NUP85: variants seen among roughly 807,000 people sequenced by gnomAD.
NUP85 encodes nuclear pore complex protein Nup85.
In NUP85, 23 loss-of-function variants were observed where a neutral mutation model predicts 92.8. The observed-to-expected ratio is 0.25, with a 90% CI of 0.18 to 0.35. The LOEUF is 0.35. Among genes scored for constraint, NUP85 ranks in the 10% least tolerant of loss-of-function variants. NUP85 has a pLI of 1.00. For synonymous variants in NUP85, 314 were observed against 306.9 expected, an observed-to-expected ratio of 1.02 and a Z score of -0.24; for missense variants, 759 against 822.8, an observed-to-expected ratio of 0.92 and a Z score of 0.95.
Position 75,233,079 on chromosome 17 carries a change from G to A in NUP85, c.1536G>A (p.Glu512=), listed in dbSNP as rs139755163. The change falls in exon 16 of 19, where the codon GAG becomes GAA. Residue 512 remains glutamate (E), a synonymous_variant. Transcript: ENST00000245544. The stretch of plus-strand genomic sequence containing the variant: ...GCAGGTTCCTCAGGGATTACTGTGA[G>A]CGAGGCTGCTTTTCTGATTTGGATC... ...VSDRFLRDYC[E]RGCFSDLDLI... The A allele has an allele frequency of 4.3e-5, 69 of 1,614,194 alleles. No individual in the cohort carries two copies. The African/African-American group carries it at 7.9e-4, about 18-fold the overall frequency.
At chr17:75,229,198 T>C in intron 11 of NUP85, 1 of 981,584 alleles carries the variant, frequency 1.0e-6, no homozygotes, top group Non-Finnish European at 1.2e-6. Flanking sequence ...TAGAATCTTC[T>C]GACTTGTATT....
intron 6 of NUP85, among the ~76,000 whole-genome samples, chr17:75,216,991 T>A (rs1486851113): frequency 6.6e-6 from 1 of 152,182 alleles, no homozygotes; most frequent in East Asian, 1.9e-4. Flanking sequence ...GCTCAAGCGA[T>A]CCTCCTGTCT....
intron 7 of NUP85, among the ~76,000 whole-genome samples, chr17:75,218,595 T>TTTTG (rs1346627025): frequency 5.1e-5 from 7 of 137,130 alleles, no homozygotes; most frequent in Admixed American, 1.5e-4. Context: ...ACCGTTTTTT[T>TTTTG]TTTTTTTTTT....
At chr17:75,234,194 G>A (rs1255316281) in intron 16 of NUP85, among the ~76,000 whole-genome samples, 3 of 151,626 alleles carry the variant, frequency 2.0e-5, no homozygotes, top group Non-Finnish European at 4.4e-5. Flanking sequence ...TGGGACTACA[G>A]GTGCATGCCA....
At chr17:75,230,199 C>T (rs1424192761) in intron 11 of NUP85, among the ~76,000 whole-genome samples, 1 of 151,970 alleles carries the variant, frequency 6.6e-6, no homozygotes, top group Non-Finnish European at 1.5e-5. Context: ...CACGCCACCA[C>T]GCCCAGCTAA....
chr17:75,210,776 A>G (rs188991925), intron 3 of NUP85, among the ~76,000 whole-genome samples: 5 of 152,116 alleles, frequency 3.3e-5, no homozygotes, highest in African/African-American at 1.2e-4. Flanking sequence ...TTCTCCGCTC[A>G]CTGTAAGCTC....
chr17:75,228,642 G>T, intron 11 of NUP85: 1 of 985,446 alleles, frequency 1.0e-6, no homozygotes, highest in Non-Finnish European at 1.2e-6. Context: ...AGGGAAGTGT[G>T]TCTCTTTCTG....
rs1178167382 is a variant in NUP85, at chr17:75,231,369, C to T, written c.1124C>T (p.Ala375Val). ...SIALSNWWFV[A>V]HLTDLLDHCK... Reference sequence around the variant, plus strand: ...GCCCTGAGCAACTGGTGGTTTGTGGCCCACCTGACAGACCTGCTGGACCAC... The same window carrying T: ...GCCCTGAGCAACTGGTGGTTTGTGGTCCACCTGACAGACCTGCTGGACCAC... Residue 375 changes from alanine (A) to valine (V), a missense_variant, in exon 12 of 19, where the codon GCC becomes GTC. Coordinates refer to ENST00000245544, the MANE Select transcript of NUP85 (RefSeq NM_024844.5). The surrounding 1 kb of genome is among the most constrained non-coding windows in gnomAD (Gnocchi z 4.6). 1 of 1,614,172 alleles carries T rather than the reference C, an allele frequency of 6.2e-7. No individual in the cohort carries two copies. Among genetic ancestry groups the T allele is most frequent in the African/African-American group, 1.3e-5 (1 of 75,044 alleles).
At chr17:75,207,249 T>C (rs1201737875) in intron 1 of NUP85, among the ~76,000 whole-genome samples, 1 of 151,466 alleles carries the variant, frequency 6.6e-6, no homozygotes, top group Admixed American at 6.6e-5. Flanking sequence ...AGTGGTGCGG[T>C]CTCGGCTCTC....
chr17:75,225,642 A>G, intron 9 of NUP85, 56 bp from the exon 10 acceptor site: 1 of 1,606,158 alleles, frequency 6.2e-7, no homozygotes, highest in Non-Finnish European at 8.5e-7. Flanking sequence ...CAGGAGCATT[A>G]TGGAGAAGGT....
rs761830415 is a variant in NUP85 at position 75,235,148 on chromosome 17, G to T, written c.1816G>T (p.Asp606Tyr). The T allele has an allele frequency of 6.2e-7, 1 of 1,614,142 alleles. No individual in the cohort carries two copies. Among genetic ancestry groups the T allele is most frequent in the South Asian group, 1.1e-5 (1 of 91,076 alleles). The change falls in exon 18 of 19, where the codon GAC (aspartate) becomes TAC (tyrosine). Residue 606 changes from aspartate (D) to tyrosine (Y), a missense_variant. Asp to Tyr is a radical substitution (Grantham distance 160). Coordinates refer to ENST00000245544, the MANE Select transcript of NUP85 (RefSeq NM_024844.5). The stretch of plus-strand genomic sequence containing the variant: ...TTATGAGTTGATGCGGTGTCTGGAG[G>T]ACTTGACGTCAAGAAGACCTGTGCA... ...QTYELMRCLE[D>Y]LTSRRPVHGE...
rs758059695 is a variant in NUP85 at position 75,231,578 on chromosome 17, G to T, written c.1184G>T (p.Gly395Val). The T allele has an allele frequency of 3.7e-6, 6 of 1,614,196 alleles. No homozygotes were observed. In the Admixed American group the frequency reaches 6.7e-5, roughly 18 times the overall value. The change falls in exon 13 of 19, where the codon GGT becomes GTT. Residue 395 changes from glycine (G) to valine (V), a missense_variant. Physicochemically the swap from Gly to Val is moderately radical, Grantham distance 109 (BLOSUM62 -3). Transcript: ENST00000245544. This position sits in a 1 kb window ranked among gnomAD's most constrained non-coding sequence, Gnocchi z 4.6. ...KLLQSHNLYF[G>V]SNMREFLLLE... ...TTTGTTATGTTTTATTCCAGTTTCG[G>T]TTCCAACATGAGAGAGTTCCTCCTG...
rs201486765 is a variant in NUP85 at position 75,233,343 on chromosome 17, A to ATGTTTGTTTGTT, written c.1615+199_1615+210dup. On this transcript the variant is annotated intron_variant, in intron 16 of 18. Transcript: ENST00000245544. ...GCTGTCACATCTCCTTAGTGCCTCC[A>ATGTTTGTTTGTT]TGTTTGTTTGTTTGTTTGTTTGTTT... 5.4e-5 allele frequency among the ~76,000 whole-genome samples: 8 copies of ATGTTTGTTTGTT among 148,000 alleles called. No individual in the cohort carries two copies. The East Asian group carries it at 1.4e-3, about 26-fold the overall frequency.
Position 75,231,224 on chromosome 17 carries a change from G to T in NUP85, c.1095-116G>T. 1 of 962,824 alleles carries T rather than the reference G, an allele frequency of 1.0e-6. No individual in the cohort carries two copies. Among genetic ancestry groups the T allele is most frequent in the Non-Finnish European group, 1.6e-6 (1 of 609,626 alleles). The allele number at this position is 962,824 out of a possible 1,614,324, so 59.6% of individuals were successfully genotyped here. On this transcript the variant is annotated intron_variant, in intron 11 of 18. Transcript: ENST00000245544. This position sits in a 1 kb window ranked among gnomAD's most constrained non-coding sequence, Gnocchi z 4.6. ...GATCACGGGCATGAGCTATCATCAC[G>T]CCCGGCCCCATCTCTTTGAGGGACA... is the stretch of plus-strand genomic sequence containing the variant.
chr17:75,231,723 T>G lies in NUP85; in HGVS notation c.1244+85T>G. On this transcript the variant is annotated intron_variant, in intron 13 of 18. Coordinates refer to ENST00000245544, the MANE Select transcript of NUP85 (RefSeq NM_024844.5). This position sits in a 1 kb window ranked among gnomAD's most constrained non-coding sequence, Gnocchi z 4.6. ...GGAGCTTGGACTGTTCTCTCCCAGT[T>G]GGCTCCTTGAAGGCTTCGGAAGGGT... The G allele has an allele frequency of 6.2e-7, 1 of 1,603,736 alleles. No individual in the cohort carries two copies.
In NUP85 at chr17:75,213,132, A is replaced by T; in HGVS notation, c.405+13A>T. On this transcript the variant is annotated intron_variant, in intron 5 of 18. Transcript: ENST00000245544. ...GTTCAGCAGCCAGGTAAGGGGAGTC[A>T]CCTTTATTGTTTTAGCACCACTGTG... 1 of 1,612,924 alleles carries T rather than the reference A, an allele frequency of 6.2e-7. No individual in the cohort carries two copies. Among genetic ancestry groups the T allele is most frequent in the Non-Finnish European group, 8.5e-7 (1 of 1,179,502 alleles).
intron 11 of NUP85, among the ~76,000 whole-genome samples, chr17:75,227,303 GT>G (rs1394769308): frequency 7.0e-6 from 1 of 143,288 alleles, no homozygotes; most frequent in Non-Finnish European, 1.5e-5. Flanking sequence ...TGAAAAACAA[GT>G]TTTTTGTGTG....
At chr17:75,224,899 GGTGACAAAGCCATGAGATTGGAT>G (rs1415030007) in intron 7 of NUP85, among the ~76,000 whole-genome samples, 181 bp from the exon 8 acceptor site, 1 of 152,014 alleles carries the variant, frequency 6.6e-6, no homozygotes, top group African/African-American at 2.4e-5. Flanking sequence ...ACATAGTGGA[GGTGACAAAGCCATGAGATTGGAT>G]GTGATAGATT....
chr17:75,233,990 T>C (rs1454989930), intron 16 of NUP85, among the ~76,000 whole-genome samples: 1 of 151,760 alleles, frequency 6.6e-6, no homozygotes, highest in Non-Finnish European at 1.5e-5. Context: ...CGCCTCGGCC[T>C]CCCAAAGTGC....
Sources: allele counts gnomAD v4.1 joint callset (sites outside exome capture counted in the v4.1 genomes callset), GRCh38; gene constraint gnomAD v4.1.1; non-coding constraint Gnocchi (gnomAD v3.1); transcripts MANE v1.5; gene names NCBI Gene and HGNC (gene_info 2026-07-23, HGNC 2026-07-21).